The following ABI3BP variants were observed in gnomAD, a reference collection of about 807,000 sequenced individuals.
ABI3BP encodes the protein ABI family member 3 binding protein.
In ABI3BP, 216 loss-of-function variants were observed where a neutral mutation model predicts 268.6. The observed-to-expected ratio is 0.80, with a 90% CI of 0.72 to 0.90. The LOEUF is 0.90. Among genes scored for constraint, ABI3BP ranks in the 40% least tolerant of loss-of-function variants. ABI3BP has a pLI of 0.00. For synonymous variants in ABI3BP, 730 were observed against 730.0 expected, an observed-to-expected ratio of 1.00 and a Z score of 0.00; for missense variants, 2,090 against 2,182.4, an observed-to-expected ratio of 0.96 and a Z score of 0.84.
At chr3:100,768,425 T>A (rs1010261025) in intron 62 of ABI3BP, among the ~76,000 whole-genome samples, 2 of 152,328 alleles carry the variant, frequency 1.3e-5, no homozygotes, top group South Asian at 2.1e-4. Flanking sequence ...TAATTTTTTT[T>A]ATGGAAGATC....
chr3:100,917,288 A>G (rs1246175420), intron 2 of ABI3BP, among the ~76,000 whole-genome samples: 2 of 152,176 alleles, frequency 1.3e-5, no homozygotes. Context: ...AATACAGAAG[A>G]GTATAACCTA....
rs56264255 is a variant in ABI3BP, at chr3:100,964,583, C to T, written c.79+28723G>A. 7.1e-3 allele frequency among the ~76,000 whole-genome samples: 1,086 copies of T among 152,280 alleles called. 13 individuals are homozygous for T. The highest frequency in any genetic ancestry group is 0.024 in the African/African-American group (980 of 41,532). ...ACTCCAGGGTATAGACACCAGACAACGTAGCCACTTCACTATTATGTGTTT... is the reference window on the plus strand; with the variant it reads ...ACTCCAGGGTATAGACACCAGACAATGTAGCCACTTCACTATTATGTGTTT... On this transcript the variant is annotated intron_variant, in intron 1 of 67. Transcript: ENST00000471714.
chr3:100,820,308 A>C lies in ABI3BP; in HGVS notation c.2948-5T>G. The C allele has an allele frequency of 1.3e-6, 2 of 1,535,570 alleles. No homozygotes were observed. Among genetic ancestry groups the C allele is most frequent in the Non-Finnish European group, 1.7e-6 (2 of 1,146,526 alleles). On this transcript the variant is annotated splice_region_variant and splice_polypyrimidine_tract_variant and intron_variant, in intron 39 of 67. Coordinates refer to ENST00000471714, the MANE Select transcript of ABI3BP (RefSeq NM_001375547.2). ...TTCGTTGTGATGTTTTAGGAGCTGA[A>C]GAAAGAAAACCTTTAGTTACTACAG... is the stretch of plus-strand genomic sequence containing the variant.
intron 62 of ABI3BP, among the ~76,000 whole-genome samples, chr3:100,768,797 C>G (rs186957): frequency 1.3e-5 from 2 of 152,160 alleles, no homozygotes; most frequent in Non-Finnish European, 2.9e-5. Flanking sequence ...GGATTTAAAT[C>G]TGTGTCAGCA....
intron 14 of ABI3BP, among the ~76,000 whole-genome samples, chr3:100,852,933 G>A (rs908757950): frequency 1.2e-4 from 18 of 152,150 alleles, no homozygotes; most frequent in Non-Finnish European, 2.4e-4. Flanking sequence ...GGGATATAGA[G>A]AACACATGAA....
chr3:100,809,388 A>G (rs539313182), intron 49 of ABI3BP, among the ~76,000 whole-genome samples: 21 of 152,082 alleles, frequency 1.4e-4, no homozygotes, highest in Non-Finnish European at 2.5e-4. Context: ...GCCAGAGGAT[A>G]AGAAAGACCA....
intron 2 of ABI3BP, among the ~76,000 whole-genome samples, chr3:100,905,466 C>A (rs2052932501): frequency 6.6e-6 from 1 of 151,470 alleles, no homozygotes; most frequent in Non-Finnish European, 1.5e-5. Context: ...CTTTCTTACT[C>A]ATGTATTAGC....
chr3:100,802,027 A>C (rs2097549583), intron 51 of ABI3BP, among the ~76,000 whole-genome samples: 1 of 152,212 alleles, frequency 6.6e-6, no homozygotes, highest in Non-Finnish European at 1.5e-5. Flanking sequence ...TAAAGTATGT[A>C]ATCCAAGCAA....
intron 44 of ABI3BP, among the ~76,000 whole-genome samples, chr3:100,814,108 T>C (rs909583383): frequency 6.6e-6 from 1 of 152,026 alleles, no homozygotes; most frequent in Non-Finnish European, 1.5e-5. Context: ...AACAGCAGAA[T>C]TGAGTAGCTA....
intron 1 of ABI3BP, among the ~76,000 whole-genome samples, chr3:100,968,925 T>A (rs1355821168): frequency 6.6e-6 from 1 of 152,086 alleles, no homozygotes. Flanking sequence ...TAATTTGCTG[T>A]CTTAAAAAAA....
chr3:100,875,430 C>A, intron 8 of ABI3BP, 78 bp downstream of exon 8: 1 of 1,125,348 alleles, frequency 8.9e-7, no homozygotes. Context: ...ACTCACACTG[C>A]AAAACTCCAG....
chr3:100,821,393 C>T (rs558656970), intron 38 of ABI3BP, among the ~76,000 whole-genome samples: 5 of 152,132 alleles, frequency 3.3e-5, no homozygotes, highest in East Asian at 3.9e-4. Flanking sequence ...TGGAAAGAGA[C>T]GGAGGCCTTA....
At chr3:100,816,340 A>G (rs2098043318) in intron 43 of ABI3BP, 2 of 440,856 alleles carry the variant, frequency 4.5e-6, no homozygotes, top group South Asian at 6.1e-5. Flanking sequence ...AGTTGAAAAT[A>G]AATGCCTGTT....
rs540120554 is a variant in ABI3BP, at chr3:100,750,595, A to G, written c.5261T>C (p.Val1754Ala). The G allele has an allele frequency of 3.7e-6, 6 of 1,612,382 alleles. No homozygotes were observed. Among genetic ancestry groups the G allele is most frequent in the South Asian group, 2.2e-5 (2 of 90,976 alleles). The change falls in exon 68 of 68, where the codon GTT becomes GCT. Residue 1754 changes from valine (V) to alanine (A), a missense_variant. Physicochemically the swap from Val to Ala is moderately conservative, Grantham distance 64 (BLOSUM62 0). Transcript: ENST00000471714. ...LPIKEGYFRA[V>A]RQEPVQFGEI... is the part of the protein sequence containing the mutation. ...TCCAAATTGGACAGGTTCCTGGCGA[A>G]CTGCTCTGAAATAACCTGAGAGAGA...
intron 17 of ABI3BP, 35 bp from the exon 18 acceptor site, chr3:100,848,910 T>TC: frequency 6.3e-7 from 1 of 1,578,158 alleles, no homozygotes; most frequent in Non-Finnish European, 8.7e-7. Flanking sequence ...TGATAAATGA[T>TC]ATTTTTCAGG....
chr3:100,902,774 G>C, intron 2 of ABI3BP, 88 bp from the exon 3 acceptor site: 1 of 1,091,352 alleles, frequency 9.2e-7, no homozygotes, highest in Non-Finnish European at 1.4e-6. Flanking sequence ...AGCATTCCCT[G>C]AGTCATCCTC....
chr3:100,750,756 G>T, intron 67 of ABI3BP, 146 bp from the exon 68 acceptor site: 1 of 610,812 alleles, frequency 1.6e-6, no homozygotes, highest in Non-Finnish European at 2.8e-6. Context: ...AGAAGTTCTG[G>T]TGTTTTTTCC....
At chr3:100,826,259 C>T (rs2098382420) in intron 34 of ABI3BP, among the ~76,000 whole-genome samples, 1 of 152,188 alleles carries the variant, frequency 6.6e-6, no homozygotes, top group South Asian at 2.1e-4. Context: ...GACTTCCAGC[C>T]TCCAGAGTTG....
rs915269201 is a variant in ABI3BP at position 100,874,901 on chromosome 3, T to C, written c.850A>G (p.Thr284Ala). 2 of 1,599,430 alleles carry C rather than the reference T, an allele frequency of 1.3e-6. No individual in the cohort carries two copies. The highest frequency in any genetic ancestry group is 2.7e-5 in the African/African-American group (2 of 74,774). The change falls in exon 9 of 68, where the codon ACT becomes GCT. Residue 284 changes from threonine to alanine, a missense_variant. Thr to Ala is a moderately conservative substitution (Grantham distance 58, BLOSUM62 0). Coordinates refer to ENST00000471714, the MANE Select transcript of ABI3BP (RefSeq NM_001375547.2). ...HLIIPGLNET[T>A]VKLPASLMFE... Reference sequence around the variant, plus strand: ...ATTAGGGATGCAGGAAGTTTTACAGTAGTTTCATTAAGACCTGGAATAATA... The same window carrying C: ...ATTAGGGATGCAGGAAGTTTTACAGCAGTTTCATTAAGACCTGGAATAATA...
Sources: allele counts gnomAD v4.1 joint callset (sites outside exome capture counted in the v4.1 genomes callset), GRCh38; gene constraint gnomAD v4.1.1; transcripts MANE v1.5; gene names NCBI Gene and HGNC (gene_info 2026-07-23, HGNC 2026-07-21).